Variants in SPATA31E1 observed in about 807,000 individuals in gnomAD.
SPATA31E1 encodes the protein SPATA31 subfamily E member 1.
Under a neutral mutation model 12.9 loss-of-function variants are expected in SPATA31E1, and 7 were observed. That is an observed-to-expected ratio of 0.54 (90% CI 0.31 to 1.02). The LOEUF is 1.02. SPATA31E1 is among the 50% of genes least tolerant of loss of function. The probability of loss-of-function intolerance (pLI) is 0.05; values close to 1 mark genes in which losing one functional copy is unlikely to be tolerated. For synonymous variants in SPATA31E1, 771 were observed against 719.0 expected (o/e 1.07, Z -1.16); for missense variants, 1,961 against 1,799.8 (o/e 1.09, Z -1.62).
In SPATA31E1 at chr9:87,888,807, G is replaced by C; in HGVS notation, c.4320G>C (p.Gln1440His). 6.2e-7 allele frequency: 1 copy of C among 1,606,626 alleles called. No individual in the cohort carries two copies. Among genetic ancestry groups the C allele is most frequent in the East Asian group, 2.2e-5 (1 of 44,764 alleles). ...HPQLQELMSA[Q>H]RCLAS is the part of the protein sequence containing the mutation. The stretch of plus-strand genomic sequence containing the variant: ...AGCTGCAGGAACTGATGTCTGCACA[G>C]AGGTGTCTTGCCTCCTGAACTAGAC... Residue 1440 changes from glutamine to histidine, a missense_variant, in exon 4 of 4, where the codon CAG (glutamine) becomes CAC (histidine). Gln to His is a conservative substitution (Grantham distance 24). Transcript: ENST00000325643.
Position 87,885,925 on chromosome 9 carries a change from G to A in SPATA31E1, c.1438G>A (p.Gly480Ser), listed in dbSNP as rs776706769. 1.2e-6 allele frequency: 2 copies of A among 1,613,938 alleles called. No individual in the cohort carries two copies. Among genetic ancestry groups the A allele is most frequent in the South Asian group, 1.1e-5 (1 of 91,076 alleles). Residue 480 changes from glycine (G) to serine (S), a missense_variant, in exon 4 of 4, where the codon GGT becomes AGT. Gly to Ser is a moderately conservative substitution (Grantham distance 56). Transcript: ENST00000325643. ...PLDKASTSLP[G>S]EPEVEASSQL... is the part of the protein sequence containing the mutation. ...GGATAAAGCCTCCACTTCTCTTCCA[G>A]GTGAACCTGAGGTTGAGGCATCCTC...
In SPATA31E1 at chr9:87,885,570, G is replaced by A; in HGVS notation, c.1083G>A (p.Val361=). The change falls in exon 4 of 4, where the codon GTG becomes GTA. Residue 361 remains valine (V), a synonymous_variant. Coordinates refer to ENST00000325643, the MANE Select transcript of SPATA31E1 (RefSeq NM_178828.5). ...VGGCTFIHPD[V]QKLLETLIAK... The stretch of plus-strand genomic sequence containing the variant: ...GCTGCACATTCATCCACCCTGACGT[G>A]CAGAAGCTGCTGGAGACCCTCATCG... 2 of 1,614,156 alleles carry A rather than the reference G, an allele frequency of 1.2e-6. No homozygotes were observed. Among genetic ancestry groups the A allele is most frequent in the Non-Finnish European group, 1.7e-6 (2 of 1,180,036 alleles).
intron 1 of SPATA31E1, 31 bp from the exon 2 acceptor site, chr9:87,883,961 T>C (rs1451393803): frequency 6.3e-7 from 1 of 1,590,832 alleles, no homozygotes; most frequent in Non-Finnish European, 8.6e-7. Context: ...TGAGAACTGG[T>C]CCCAGCCCCT....
intron 1 of SPATA31E1, 146 bp from the exon 2 acceptor site, chr9:87,883,846 G>A (rs1242362310): frequency 1.8e-5 from 15 of 855,354 alleles, no homozygotes; most frequent in African/African-American, 8.5e-5. Flanking sequence ...TTTCATTCAC[G>A]GTAAACATGA....
At position 87,885,568 on chromosome 9, in the gene SPATA31E1, G is replaced by A. The variant is rs565943566; in HGVS notation, c.1081G>A (p.Val361Met). Residue 361 changes from valine to methionine, a missense_variant, in exon 4 of 4, where the codon GTG (valine) becomes ATG (methionine). Transcript: ENST00000325643. Reference protein sequence around the residue: ...VGGCTFIHPDVQKLLETLIAK... With the variant: ...VGGCTFIHPDMQKLLETLIAK... The stretch of plus-strand genomic sequence containing the variant: ...TGGCTGCACATTCATCCACCCTGAC[G>A]TGCAGAAGCTGCTGGAGACCCTCAT... The A allele has an allele frequency of 1.9e-6, 3 of 1,614,158 alleles. No homozygotes were observed. Among genetic ancestry groups the A allele is most frequent in the Admixed American group, 1.7e-5 (1 of 60,024 alleles).
In SPATA31E1 at chr9:87,884,711, C is replaced by T. The variant is rs1828231771; in HGVS notation, c.425+60C>T. ...TCCTACCAGGGCCTCTGATGCAACC[C>T]TACGGCCTGGTGGTGATCTGGGAGG... On this transcript the variant is annotated intron_variant, in intron 3 of 3. Coordinates refer to ENST00000325643, the MANE Select transcript of SPATA31E1 (RefSeq NM_178828.5). 5 of 1,599,590 alleles carry T rather than the reference C, an allele frequency of 3.1e-6. No homozygotes were observed. The South Asian group carries it at 3.3e-5, about 11-fold the overall frequency.
chr9:87,887,840 G>C lies in SPATA31E1; in HGVS notation c.3353G>C (p.Gly1118Ala), dbSNP rs1266081132. The part of the protein sequence containing the change: ...SEEQLPGRAP[G>A]ILLQDGATGL... ...GAGCAGCTGCCAGGCCGTGCCCCGG[G>C]CATCCTCCTCCAGGACGGCGCCACA... The change falls in exon 4 of 4, where the codon GGC becomes GCC. Residue 1118 changes from glycine to alanine, a missense_variant. Gly to Ala is a moderately conservative substitution (Grantham distance 60, BLOSUM62 0). Transcript: ENST00000325643. 1 of 1,613,860 alleles carries C rather than the reference G, an allele frequency of 6.2e-7. No individual in the cohort carries two copies. Among genetic ancestry groups the C allele is most frequent in the Non-Finnish European group, 8.5e-7 (1 of 1,180,030 alleles).
chr9:87,886,101 T>A lies in SPATA31E1; in HGVS notation c.1614T>A (p.Ser538=), dbSNP rs138762446. 8.1e-6 allele frequency: 13 copies of A among 1,605,742 alleles called. No individual in the cohort carries two copies. Among genetic ancestry groups the A allele is most frequent in the African/African-American group, 1.3e-5 (1 of 74,650 alleles). ...CTGTCCCAAGCCTGGGGTGCTCTTC[T>A]CCACCCCAGATTAGGGGCTGTGGGG... ...SPPVPSLGCS[S]PPQIRGCGAS... is the part of the protein sequence containing the mutation. The change falls in exon 4 of 4, where the codon TCT becomes TCA. Residue 538 remains serine (S), a synonymous_variant. Coordinates refer to ENST00000325643, the MANE Select transcript of SPATA31E1 (RefSeq NM_178828.5).
In SPATA31E1 at chr9:87,887,019, G is replaced by A; in HGVS notation, c.2532G>A (p.Val844=). ...AAGTACATCTTGTAAGGTTCTGTGT[G>A]AGGCACAGCTGGGGTACAGACCTCC... ...ILEVHLVRFC[V]RHSWGTDLQS... Residue 844 remains valine (V), a synonymous_variant, in exon 4 of 4, where the codon GTG becomes GTA. Transcript: ENST00000325643. The A allele has an allele frequency of 6.2e-7, 1 of 1,614,134 alleles. No individual in the cohort carries two copies.
Position 87,888,177 on chromosome 9 carries a change from G to A in SPATA31E1, c.3690G>A (p.Arg1230=), listed in dbSNP as rs577498872. ...KGPRTSEASG[R]SHPAQAREIG... is the part of the protein sequence containing the mutation. ...CCAGGACCTCTGAAGCCAGTGGGAG[G>A]AGCCACCCTGCCCAAGCCAGGGAAA... Residue 1230 remains arginine (R), a synonymous_variant, in exon 4 of 4, where the codon AGG becomes AGA. Coordinates refer to ENST00000325643, the MANE Select transcript of SPATA31E1 (RefSeq NM_178828.5). The A allele has an allele frequency of 1.9e-6, 3 of 1,613,272 alleles. No individual in the cohort carries two copies. The highest frequency in any genetic ancestry group is 2.2e-5 in the East Asian group (1 of 44,866).
At position 87,888,155 on chromosome 9, in the gene SPATA31E1, GGACCTCT is replaced by G. The variant is rs765010909; in HGVS notation, c.3671_3677del (p.Thr1224LysfsTer14). 2 of 1,612,038 alleles carry G rather than the reference GGACCTCT, an allele frequency of 1.2e-6. No homozygotes were observed. The highest frequency in any genetic ancestry group is 2.7e-5 in the African/African-American group (2 of 74,888). On this transcript the variant is annotated frameshift_variant, in exon 4 of 4. Coordinates refer to ENST00000325643, the MANE Select transcript of SPATA31E1 (RefSeq NM_178828.5). LOFTEE classifies it low-confidence loss of function (END_TRUNC). Reference sequence around the variant, plus strand: ...CAGGGACACAGGTCCAAGGGACCCAGGACCTCTGAAGCCAGTGGGAGGAGCCACCCTG... The same window carrying G: ...CAGGGACACAGGTCCAAGGGACCCAGGAAGCCAGTGGGAGGAGCCACCCTG...
chr9:87,885,071 C>A lies in SPATA31E1; in HGVS notation c.584C>A (p.Pro195Gln). The change falls in exon 4 of 4, where the codon CCA (proline) becomes CAA (glutamine). Residue 195 changes from proline to glutamine, a missense_variant. Coordinates refer to ENST00000325643, the MANE Select transcript of SPATA31E1 (RefSeq NM_178828.5). ...SPASLSPPAP[P>Q]APLASTLSPG... Reference sequence around the variant, plus strand: ...GCCAGCTTGTCCCCACCAGCTCCCCCAGCTCCTCTGGCCTCCACCCTGTCA... The same window carrying A: ...GCCAGCTTGTCCCCACCAGCTCCCCAAGCTCCTCTGGCCTCCACCCTGTCA... 2 of 1,614,202 alleles carry A rather than the reference C, an allele frequency of 1.2e-6. No individual in the cohort carries two copies. Among genetic ancestry groups the A allele is most frequent in the Non-Finnish European group, 1.7e-6 (2 of 1,180,022 alleles).
At chr9:87,883,377 T>C (rs1051753566) in intron 1 of SPATA31E1, among the ~76,000 whole-genome samples, 177 bp downstream of exon 1, 1 of 152,162 alleles carries the variant, frequency 6.6e-6, no homozygotes, top group African/African-American at 2.4e-5. Flanking sequence ...CCCGAGCTCA[T>C]CTGTGGGGTG....
Position 87,885,595 on chromosome 9 carries a change from G to T in SPATA31E1, c.1108G>T (p.Ala370Ser), listed in dbSNP as rs534832110. The T allele has an allele frequency of 1.2e-6, 2 of 1,613,916 alleles. No homozygotes were observed. Among genetic ancestry groups the T allele is most frequent in the African/African-American group, 2.7e-5 (2 of 74,906 alleles). The change falls in exon 4 of 4, where the codon GCC becomes TCC. Residue 370 changes from alanine to serine, a missense_variant. Transcript: ENST00000325643. ...GCAGAAGCTGCTGGAGACCCTCATC[G>T]CCAAGAGAGCACTGATGAAGATGTG... is the stretch of plus-strand genomic sequence containing the variant. ...DVQKLLETLIAKRALMKMWQE... is the reference protein window; with the variant it reads ...DVQKLLETLISKRALMKMWQE...
At chr9:87,884,765 G>A in intron 3 of SPATA31E1, 114 bp downstream of exon 3, 1 of 1,501,282 alleles carries the variant, frequency 6.7e-7, no homozygotes, top group Non-Finnish European at 9.2e-7. Flanking sequence ...GACAGGAGGG[G>A]ACTGAAGCCC....
Position 87,887,140 on chromosome 9 carries a change from G to A in SPATA31E1, c.2653G>A (p.Val885Ile), listed in dbSNP as rs757920929. 8 of 1,613,952 alleles carry A rather than the reference G, an allele frequency of 5.0e-6. No individual in the cohort carries two copies. The highest frequency in any genetic ancestry group is 6.8e-6 in the Non-Finnish European group (8 of 1,180,032). Residue 885 changes from valine to isoleucine, a missense_variant, in exon 4 of 4, where the codon GTT becomes ATT. Physicochemically the swap from Val to Ile is conservative, Grantham distance 29. Transcript: ENST00000325643. ...CCCCTGGGCCTCCTGGGTATCTCGG[G>A]TTGAATCTGTACCCAAGGTTCCCAT... ...FTPWASWVSR[V>I]ESVPKVPIFL...
chr9:87,885,546 C>A lies in SPATA31E1; in HGVS notation c.1059C>A (p.Gly353=). The change falls in exon 4 of 4, where the codon GGC becomes GGA. Residue 353 remains glycine, a synonymous_variant. Coordinates refer to ENST00000325643, the MANE Select transcript of SPATA31E1 (RefSeq NM_178828.5). The stretch of plus-strand genomic sequence containing the variant: ...CACCCAAGCACATGGAGGTAGGTGG[C>A]TGCACATTCATCCACCCTGACGTGC... ...DPTPKHMEVG[G]CTFIHPDVQK... 6.2e-7 allele frequency: 1 copy of A among 1,614,194 alleles called. No homozygotes were observed. The highest frequency in any genetic ancestry group is 8.5e-7 in the Non-Finnish European group (1 of 1,180,038).
Position 87,888,774 on chromosome 9 carries a change from C to A in SPATA31E1, c.4287C>A (p.Pro1429=), listed in dbSNP as rs1177354930. 1 of 1,612,746 alleles carries A rather than the reference C, an allele frequency of 6.2e-7. No homozygotes were observed. The highest frequency in any genetic ancestry group is 8.5e-7 in the Non-Finnish European group (1 of 1,179,858). The change falls in exon 4 of 4, where the codon CCC becomes CCA. Residue 1429 remains proline (P), a synonymous_variant. Transcript: ENST00000325643. Reference sequence around the variant, plus strand: ...GAATGGCAAGCACCTCGGGCGGCCCCCATCCACAGCTGCAGGAACTGATGT... The same window carrying A: ...GAATGGCAAGCACCTCGGGCGGCCCACATCCACAGCTGCAGGAACTGATGT... ...RPRMASTSGG[P]HPQLQELMSA... is the part of the protein sequence containing the mutation.
chr9:87,884,022 A>T lies in SPATA31E1; in HGVS notation c.340A>T (p.Ser114Cys). The T allele has an allele frequency of 6.2e-7, 1 of 1,607,196 alleles. No homozygotes were observed. Among genetic ancestry groups the T allele is most frequent in the Non-Finnish European group, 8.5e-7 (1 of 1,176,404 alleles). Residue 114 changes from serine to cysteine, a missense_variant, in exon 2 of 4, where the codon AGC becomes TGC. Transcript: ENST00000325643. Reference sequence around the variant, plus strand: ...AAGGGAGAGAAGCGGGAGGTCCAGGAGCAGGAAGATCTCAGCTCTGAAAGG... The same window carrying T: ...AAGGGAGAGAAGCGGGAGGTCCAGGTGCAGGAAGATCTCAGCTCTGAAAGG... ...PQRERSGRSR[S>C]RKISALKACR...
Sources: gnomAD v4.1 joint callset for allele counts (sites outside exome capture counted in the v4.1 genomes callset) on GRCh38, gnomAD v4.1.1 for gene constraint, MANE v1.5 for transcripts, NCBI Gene and HGNC (gene_info 2026-07-23, HGNC 2026-07-21) for gene names.